Variants in PCDHA10 observed in about 807,000 individuals in gnomAD.
PCDHA10 encodes the protein protocadherin alpha 10.
Under a neutral mutation model 61.2 loss-of-function variants are expected in PCDHA10, and 45 were observed. The observed-to-expected ratio is 0.74, with a 90% CI of 0.58 to 0.94. The LOEUF (loss-of-function observed/expected upper bound fraction) is 0.94. PCDHA10 is among the 40% of genes least tolerant of loss of function. The pLI, the probability that PCDHA10 is intolerant of heterozygous loss-of-function variation, is 0.00. For missense variants in PCDHA10, 1,278 were observed against 1,236.2 expected, an observed-to-expected ratio of 1.03 and a Z score of -0.51; for synonymous variants, 602 against 548.8, an observed-to-expected ratio of 1.10 and a Z score of -1.35.
intron 1 of PCDHA10, among the ~76,000 whole-genome samples, chr5:140,905,747 C>T (rs2072054792): frequency 2.0e-5 from 3 of 152,156 alleles, no homozygotes; most frequent in South Asian, 2.1e-4. Context: ...AGAGATCTTT[C>T]ACCTCCTTGG....
chr5:140,952,857 G>T (rs2094808262), intron 1 of PCDHA10, among the ~76,000 whole-genome samples: 1 of 152,120 alleles, frequency 6.6e-6, no homozygotes, highest in Non-Finnish European at 1.5e-5. Context: ...TTCTGGGGAG[G>T]CCTCAGGAAA....
intron 1 of PCDHA10, among the ~76,000 whole-genome samples, chr5:140,923,825 G>A (rs2081532169): frequency 6.6e-6 from 1 of 152,224 alleles, no homozygotes; most frequent in East Asian, 1.9e-4. Context: ...ATAGACGTCA[G>A]TGGCAGTTTA....
chr5:140,971,420 TGAA>T (rs782149033), intron 1 of PCDHA10, among the ~76,000 whole-genome samples: 3 of 152,112 alleles, frequency 2.0e-5, no homozygotes, highest in Non-Finnish European at 4.4e-5. Flanking sequence ...GGAAATCCAG[TGAA>T]GAACCCCAAG....
At chr5:140,956,953 CTG>C (rs1217178036) in intron 1 of PCDHA10, among the ~76,000 whole-genome samples, 2 of 135,202 alleles carry the variant, frequency 1.5e-5, no homozygotes, top group African/African-American at 2.6e-5. Flanking sequence ...CATTAAAACA[CTG>C]TAATTAATCA....
rs375455658 is a variant in PCDHA10, at chr5:140,863,185, G to T, written c.2388+4749G>T. 4.3e-3 allele frequency: 3,329 copies of T among 772,160 alleles called. 69 individuals are homozygous for T. Among genetic ancestry groups the T allele is most frequent in the South Asian group, 0.037 (2,838 of 76,536 alleles). 47.8% of individuals were successfully genotyped at this position (772,160 alleles called of 1,614,324 possible). A position where few individuals can be genotyped will look rare whatever the true frequency, so the allele number is the denominator to read the frequency against. ...GCTGGCGCTGACTGCCACCGTCACC[G>T]TGGTGGCGTCGCTGGCGGAGAGCAG... On this transcript the variant is annotated intron_variant, in intron 1 of 3. Transcript: ENST00000307360.
At chr5:140,876,906 G>C (rs782762108) in intron 1 of PCDHA10, 10 of 1,613,910 alleles carry the variant, frequency 6.2e-6, no homozygotes, top group Middle Eastern at 3.3e-4. Flanking sequence ...TCACGGTGTC[G>C]GCATGGGACG....
chr5:140,907,761 T>C (rs1554193135), intron 1 of PCDHA10, among the ~76,000 whole-genome samples: 4 of 152,182 alleles, frequency 2.6e-5, no homozygotes, highest in African/African-American at 9.7e-5. Flanking sequence ...ATGGGCCCAT[T>C]GGGTGATGAC....
intron 1 of PCDHA10, among the ~76,000 whole-genome samples, chr5:140,977,142 T>C (rs781987643): frequency 6.6e-6 from 1 of 152,236 alleles, no homozygotes; most frequent in Non-Finnish European, 1.5e-5. Context: ...TCAGTCCTGC[T>C]GGAACTGTGC....
intron 1 of PCDHA10, among the ~76,000 whole-genome samples, chr5:140,919,139 C>T (rs1294020429): frequency 6.6e-6 from 1 of 152,120 alleles, no homozygotes; most frequent in Non-Finnish European, 1.5e-5. Context: ...TTTTGGGGCT[C>T]TATTATTAGA....
rs114918834 is a variant in PCDHA10, at chr5:140,920,894, T to C, written c.2389-58055T>C. 7.8e-3 allele frequency among the ~76,000 whole-genome samples: 1,179 copies of C among 151,482 alleles called. 6 individuals carry two copies. The highest frequency in any genetic ancestry group is 0.019 in the African/African-American group (771 of 41,278). Reference sequence around the variant, plus strand: ...GTGGCCCTTAGAACTTAAAGTCATATTTTGGTTCTCAAATCAGTTCCAAGA... The same window carrying C: ...GTGGCCCTTAGAACTTAAAGTCATACTTTGGTTCTCAAATCAGTTCCAAGA... On this transcript the variant is annotated intron_variant, in intron 1 of 3. Coordinates refer to ENST00000307360, the MANE Select transcript of PCDHA10 (RefSeq NM_018901.4).
Position 140,962,743 on chromosome 5 carries a change from A to T in PCDHA10, c.2389-16206A>T, listed in dbSNP as rs1298793627. 2.0e-5 allele frequency among the ~76,000 whole-genome samples: 3 copies of T among 152,324 alleles called. No individual in the cohort carries two copies. The East Asian group carries it at 5.8e-4, about 29-fold the overall frequency. On this transcript the variant is annotated intron_variant, in intron 1 of 3. Coordinates refer to ENST00000307360, the MANE Select transcript of PCDHA10 (RefSeq NM_018901.4). Reference sequence around the variant, plus strand: ...ATTTTCCTTCTGGGGATGCATGAAGATCAGGAATCCTATTCGTTTTTAACA... The same window carrying T: ...ATTTTCCTTCTGGGGATGCATGAAGTTCAGGAATCCTATTCGTTTTTAACA...
At position 140,894,452 on chromosome 5, in the gene PCDHA10, A is replaced by G. The variant is rs555452172; in HGVS notation, c.2388+36016A>G. On this transcript the variant is annotated intron_variant, in intron 1 of 3. Coordinates refer to ENST00000307360, the MANE Select transcript of PCDHA10 (RefSeq NM_018901.4). ...ATCCTACCTAGCTCTTTTTTAAAAA[A>G]TATTTTACTTTTTATTCTTGTTTTC... 3.9e-5 allele frequency among the ~76,000 whole-genome samples: 6 copies of G among 152,050 alleles called. No homozygotes were observed. In the East Asian group the frequency reaches 9.6e-4, roughly 24 times the overall value.
At chr5:140,917,337 G>T (rs1563019639) in intron 1 of PCDHA10, among the ~76,000 whole-genome samples, 1 of 142,560 alleles carries the variant, frequency 7.0e-6, no homozygotes, top group Non-Finnish European at 1.6e-5. Context: ...GGGAGGGGGG[G>T]GATGGTGTAG....
intron 1 of PCDHA10, among the ~76,000 whole-genome samples, chr5:140,912,376 G>A (rs2075897019): frequency 6.6e-6 from 1 of 151,474 alleles, no homozygotes; most frequent in African/African-American, 2.4e-5. Context: ...TTGTAAAAGG[G>A]ATTGAGTTCT....
intron 1 of PCDHA10, among the ~76,000 whole-genome samples, chr5:140,922,833 T>C (rs1443634582): frequency 6.6e-6 from 1 of 152,332 alleles, no homozygotes; most frequent in Admixed American, 6.5e-5. Flanking sequence ...TGCTAATAGA[T>C]GTCCTCAAAG....
intron 1 of PCDHA10, chr5:140,870,846 G>T: frequency 6.2e-7 from 1 of 1,613,860 alleles, no homozygotes; most frequent in Non-Finnish European, 8.5e-7. Context: ...AGCTAGTACC[G>T]CGGTCGGTGG....
At chr5:140,933,003 G>A (rs1466484630) in intron 1 of PCDHA10, among the ~76,000 whole-genome samples, 5 of 151,902 alleles carry the variant, frequency 3.3e-5, no homozygotes, top group East Asian at 1.9e-4. Flanking sequence ...TATGAATATC[G>A]GAAATATTAA....
chr5:140,986,397 C>G (rs943993265), intron 3 of PCDHA10, among the ~76,000 whole-genome samples: 1 of 152,162 alleles, frequency 6.6e-6, no homozygotes. Context: ...AAGGGCCAGT[C>G]GCTCATGTTA....
At chr5:140,900,920 T>C (rs539511607) in intron 1 of PCDHA10, among the ~76,000 whole-genome samples, 1 of 152,322 alleles carries the variant, frequency 6.6e-6, no homozygotes, top group South Asian at 2.1e-4. Context: ...TAAGATGATA[T>C]CTCATTGTAG....
Sources: allele counts gnomAD v4.1 joint callset (sites outside exome capture counted in the v4.1 genomes callset), GRCh38; gene constraint gnomAD v4.1.1; transcripts MANE v1.5; gene names NCBI Gene and HGNC (gene_info 2026-07-23, HGNC 2026-07-21).